WWTR1: variants seen among roughly 807,000 people sequenced by gnomAD.
WWTR1 encodes WW domain-containing transcription regulator protein 1.
WWTR1 carries 13 observed loss-of-function variants against 40.1 expected under a neutral mutation model. The observed-to-expected ratio is 0.32, with a 90% confidence interval of 0.21 to 0.52. The LOEUF (loss-of-function observed/expected upper bound fraction) is 0.52. Among genes scored for constraint, WWTR1 ranks in the 20% least tolerant of loss-of-function variants. The pLI is 0.97. For missense variants in WWTR1, 436 were observed against 523.1 expected (o/e 0.83, Z 1.63); for synonymous variants, 230 against 210.1 (o/e 1.09, Z -0.82).
intron 4 of WWTR1, among the ~76,000 whole-genome samples, chr3:149,723,493 G>T (rs1213031096): frequency 6.6e-6 from 1 of 152,110 alleles, no homozygotes; most frequent in Non-Finnish European, 1.5e-5. Flanking sequence ...CAGCTGGTTT[G>T]CTGGTTTTCT....
intron 2 of WWTR1, among the ~76,000 whole-genome samples, chr3:149,582,284 G>GAAA (rs764148154): frequency 1.4e-5 from 2 of 141,230 alleles, no homozygotes; most frequent in South Asian, 4.6e-4. Flanking sequence ...ACATAAGAAG[G>GAAA]AAAAAAAAAA....
At chr3:149,629,949 C>T (rs1250415487) in intron 2 of WWTR1, among the ~76,000 whole-genome samples, 5 of 152,198 alleles carry the variant, frequency 3.3e-5, no homozygotes, top group Middle Eastern at 3.4e-3. Context: ...ATGACTCAAG[C>T]GATCCTCCCA....
intron 2 of WWTR1, 89 bp downstream of exon 2, chr3:149,656,787 T>G (rs142250733): frequency 2.3e-6 from 2 of 854,674 alleles, no homozygotes; most frequent in Non-Finnish European, 3.3e-6. Context: ...TCTCTCTCTC[T>G]CTCTCACACA....
intron 2 of WWTR1, among the ~76,000 whole-genome samples, chr3:149,593,783 T>C (rs1738846079): frequency 6.6e-6 from 1 of 152,262 alleles, no homozygotes; most frequent in African/African-American, 2.4e-5. Flanking sequence ...GTTGTGGGAA[T>C]TATTTTGTGT....
In WWTR1 at chr3:149,624,768, C is replaced by T. The variant is rs1390234688; in HGVS notation, c.431+32108G>A. 4.6e-5 allele frequency among the ~76,000 whole-genome samples: 7 copies of T among 152,024 alleles called. No individual in the cohort carries two copies. The East Asian group carries it at 5.8e-4, about 13-fold the overall frequency. On this transcript the variant is annotated intron_variant, in intron 2 of 6. Coordinates refer to ENST00000360632, the MANE Select transcript of WWTR1 (RefSeq NM_015472.6). ...AGGCTGGAGTGCAGTGGCGTGACCT[C>T]GGCTCACCACAATCTCCACCTCCCA...
At chr3:149,535,471 T>C (rs1409672448) in intron 4 of WWTR1, among the ~76,000 whole-genome samples, 1 of 152,116 alleles carries the variant, frequency 6.6e-6, no homozygotes, top group African/African-American at 2.4e-5. Context: ...ACTGCCTTTT[T>C]GAAACAACTC....
intron 1 of WWTR1, among the ~76,000 whole-genome samples, chr3:149,700,777 A>G (rs1002803427): frequency 1.3e-5 from 2 of 152,208 alleles, no homozygotes; most frequent in African/African-American, 4.8e-5. Context: ...AGCATCCTTC[A>G]TAACCCTTGG....
chr3:149,646,286 A>T (rs561937635), intron 2 of WWTR1, among the ~76,000 whole-genome samples: 10 of 152,366 alleles, frequency 6.6e-5, no homozygotes, highest in African/African-American at 2.4e-4. Flanking sequence ...TTTTATTTCC[A>T]ATCTGTCAAG....
intron 3 of WWTR1, among the ~76,000 whole-genome samples, chr3:149,552,742 G>T (rs947980169): frequency 4.6e-5 from 7 of 152,146 alleles, no homozygotes; most frequent in African/African-American, 1.7e-4. Flanking sequence ...AGGATAGAAG[G>T]GTCTTAGTCC....
chr3:149,524,327 GTTTTTT>G (rs3044124), intron 6 of WWTR1, among the ~76,000 whole-genome samples: 74,194 of 139,346 alleles, frequency 0.53, 19,376 homozygotes, highest in Middle Eastern at 0.55. Context: ...CTCTTTTATG[GTTTTTT>G]TTTTTTTTTT....
chr3:149,626,239 C>G (rs1164283082), intron 2 of WWTR1, among the ~76,000 whole-genome samples: 3 of 152,116 alleles, frequency 2.0e-5, no homozygotes. Context: ...TCTGTCAGTC[C>G]TCTATATTCA....
chr3:149,533,049 C>T (rs1283266594), intron 4 of WWTR1, among the ~76,000 whole-genome samples: 1 of 152,200 alleles, frequency 6.6e-6, no homozygotes, highest in Non-Finnish European at 1.5e-5. Flanking sequence ...GGAAAACAAA[C>T]GCTAAGCTGG....
chr3:149,588,738 A>C (rs1037611068), intron 2 of WWTR1, among the ~76,000 whole-genome samples: 4 of 152,176 alleles, frequency 2.6e-5, no homozygotes, highest in African/African-American at 7.2e-5. Flanking sequence ...TCCTCCCCCC[A>C]AAATGAACCC....
intron 3 of WWTR1, among the ~76,000 whole-genome samples, chr3:149,548,682 T>A (rs1287102837): frequency 7.2e-5 from 11 of 152,188 alleles, no homozygotes; most frequent in Admixed American, 7.2e-4. Flanking sequence ...CTTCAAATCC[T>A]TCTCCTCAGT....
intron 1 of WWTR1, chr3:149,703,114 A>T (rs1312695844): frequency 1.3e-5 from 2 of 152,254 alleles, no homozygotes; most frequent in African/African-American, 2.4e-5. Context: ...CTGAATATAA[A>T]GTCTCCTACC....
Position 149,644,201 on chromosome 3 carries a change from C to T in WWTR1, c.431+12675G>A, listed in dbSNP as rs117113892. 1.3e-3 allele frequency among the ~76,000 whole-genome samples: 197 copies of T among 152,304 alleles called. 3 individuals are homozygous for T. The East Asian group carries it at 0.035, about 27-fold the overall frequency. ...AATCTTCCTTTCCTCCTGCTTTACT[C>T]GCTGCCTTTATCCAATCCATCACCA... On this transcript the variant is annotated intron_variant, in intron 2 of 6. Transcript: ENST00000360632.
intron 2 of WWTR1, among the ~76,000 whole-genome samples, chr3:149,575,453 C>T (rs1459937385): frequency 6.6e-6 from 1 of 152,222 alleles, no homozygotes; most frequent in Non-Finnish European, 1.5e-5. Flanking sequence ...ATAGTTTTCA[C>T]TCTGGTACCA....
At chr3:149,533,760 GA>G (rs111493790) in intron 4 of WWTR1, among the ~76,000 whole-genome samples, 21 of 148,070 alleles carry the variant, frequency 1.4e-4, no homozygotes, top group African/African-American at 3.7e-4. Context: ...TTGTTCACCT[GA>G]AAAAAAAAAG....
chr3:149,668,660 T>C (rs1399831328), intron 2 of WWTR1, among the ~76,000 whole-genome samples: 1 of 149,404 alleles, frequency 6.7e-6, no homozygotes, highest in Non-Finnish European at 1.5e-5. Context: ...CAACTCAAGG[T>C]CTAAAATTTG....
Sources: allele counts gnomAD v4.1 joint callset (sites outside exome capture counted in the v4.1 genomes callset), GRCh38; gene constraint gnomAD v4.1.1; transcripts MANE v1.5; gene names NCBI Gene and HGNC (gene_info 2026-07-23, HGNC 2026-07-21).